FBXL7: variants seen among roughly 807,000 people sequenced by gnomAD.
FBXL7 encodes the protein F-box/LRR-repeat protein 7.
FBXL7 carries 12 observed loss-of-function variants against 38.3 expected under a neutral mutation model. The observed-to-expected ratio is 0.31, with a 90% CI of 0.20 to 0.51. The LOEUF is 0.51. Ranked by LOEUF, FBXL7 falls within the 20% of genes least tolerant of loss-of-function variation. The pLI, the probability that FBXL7 is intolerant of heterozygous loss-of-function variation, is 0.98. For synonymous variants in FBXL7, 297 were observed against 300.9 expected, an observed-to-expected ratio of 0.99 and a Z score of 0.13; for missense variants, 567 against 676.4, an observed-to-expected ratio of 0.84 and a Z score of 1.79.
Position 15,576,318 on chromosome 5 carries a change from A to C in FBXL7, c.38-39665A>C, listed in dbSNP as rs143203174. Among the ~76,000 whole-genome samples, 4 of 151,992 alleles carry C rather than the reference A, an allele frequency of 2.6e-5. No homozygotes were observed. In the South Asian group the frequency reaches 8.3e-4, roughly 31 times the overall value. ...TGGCTAATCTCAAACTCCTGACCTCAGGTGATCCACCCGCCTTGGCCTCCC... is the reference window on the plus strand; with the variant it reads ...TGGCTAATCTCAAACTCCTGACCTCCGGTGATCCACCCGCCTTGGCCTCCC... On this transcript the variant is annotated intron_variant, in intron 1 of 3. Transcript: ENST00000504595.
chr5:15,589,334 T>TC (rs1739402665), intron 1 of FBXL7, among the ~76,000 whole-genome samples: 1 of 152,058 alleles, frequency 6.6e-6, no homozygotes, highest in African/African-American at 2.4e-5. Context: ...GGGGTGGATT[T>TC]CCCCCGGCTT....
rs185348112 is a variant in FBXL7 at position 15,609,888 on chromosome 5, C to T, written c.38-6095C>T. Among the ~76,000 whole-genome samples the T allele has an allele frequency of 4.6e-4, 70 of 152,190 alleles. 1 individual carries two copies. Among genetic ancestry groups the T allele is most frequent in the Admixed American group, 4.3e-3 (65 of 15,282 alleles). On this transcript the variant is annotated intron_variant, in intron 1 of 3. Coordinates refer to ENST00000504595, the MANE Select transcript of FBXL7 (RefSeq NM_012304.5). ...TGCTCTCTGTATTAGTCTGTTTTTG[C>T]GCTGCTGATAAAGACATACGTGAGA...
chr5:15,530,362 A>G (rs536342443), intron 1 of FBXL7, among the ~76,000 whole-genome samples: 225 of 152,270 alleles, frequency 1.5e-3, no homozygotes, highest in African/African-American at 5.2e-3. Context: ...ATAAGACACT[A>G]TTTATTGTTA....
chr5:15,624,055 A>G (rs938523119), intron 2 of FBXL7, among the ~76,000 whole-genome samples: 2 of 152,172 alleles, frequency 1.3e-5, no homozygotes, highest in Non-Finnish European at 2.9e-5. Context: ...GTATATTTTT[A>G]CTGTACTTAG....
chr5:15,640,794 G>A (rs1310962078), intron 2 of FBXL7, among the ~76,000 whole-genome samples: 1 of 152,198 alleles, frequency 6.6e-6, no homozygotes, highest in Non-Finnish European at 1.5e-5. Flanking sequence ...AAAGTGTTGG[G>A]ATTACAGGTG....
In FBXL7 at chr5:15,822,196, CAA is replaced by C. The variant is rs5866161; in HGVS notation, c.128-105679_128-105678del. Among the ~76,000 whole-genome samples the C allele has an allele frequency of 4.1e-3, 523 of 127,972 alleles. 1 individual carries two copies. The highest frequency in any genetic ancestry group is 6.7e-3 in the East Asian group (30 of 4,510). The allele number at this position is 127,972 out of a possible 152,430, so 84.0% of individuals were successfully genotyped here. ...TGAAAGCCCATCTCTACTAAAAATACAAAAAAAAAAAAAAAATAGGCTGGGTT... is the reference window on the plus strand; with the variant it reads ...TGAAAGCCCATCTCTACTAAAAATACAAAAAAAAAAAAAATAGGCTGGGTT... On this transcript the variant is annotated intron_variant, in intron 2 of 3. Coordinates refer to ENST00000504595, the MANE Select transcript of FBXL7 (RefSeq NM_012304.5).
At chr5:15,554,766 A>T (rs921420575) in intron 1 of FBXL7, among the ~76,000 whole-genome samples, 3 of 152,156 alleles carry the variant, frequency 2.0e-5, no homozygotes, top group East Asian at 1.9e-4. Flanking sequence ...TCTAATTGTG[A>T]TCTGAGTGAG....
intron 2 of FBXL7, among the ~76,000 whole-genome samples, chr5:15,926,678 A>G (rs1164244136): frequency 6.6e-6 from 1 of 152,142 alleles, no homozygotes; most frequent in Non-Finnish European, 1.5e-5. Context: ...TCTAGTTCCA[A>G]GGAATAGAAT....
chr5:15,905,064 T>C (rs1390569473), intron 2 of FBXL7, among the ~76,000 whole-genome samples: 1 of 152,198 alleles, frequency 6.6e-6, no homozygotes, highest in Admixed American at 6.5e-5. Flanking sequence ...CCATAGTCAA[T>C]CACTGGATAT....
intron 2 of FBXL7, among the ~76,000 whole-genome samples, chr5:15,744,042 C>G (rs1473046122): frequency 1.3e-5 from 2 of 152,208 alleles, no homozygotes; most frequent in South Asian, 4.1e-4. Flanking sequence ...TTTCTGCCTC[C>G]TAGGCCTCCA....
chr5:15,685,953 A>G (rs1743002748), intron 2 of FBXL7, among the ~76,000 whole-genome samples: 1 of 152,206 alleles, frequency 6.6e-6, no homozygotes, highest in African/African-American at 2.4e-5. Flanking sequence ...AAGGCAGAGC[A>G]GATACACAAA....
In FBXL7 at chr5:15,708,881, A is replaced by AT. The variant is rs200442966; in HGVS notation, c.127+92812dup. Among the ~76,000 whole-genome samples, 963 of 152,292 alleles carry AT rather than the reference A, an allele frequency of 6.3e-3. 6 individuals carry two copies. The highest frequency in any genetic ancestry group is 0.022 in the African/African-American group (913 of 41,568). ...TATTGGAATATTTGAATACAGCTAA[A>AT]TTTGCAGCAGTGAGGTGATGTGCTT... On this transcript the variant is annotated intron_variant, in intron 2 of 3. Coordinates refer to ENST00000504595, the MANE Select transcript of FBXL7 (RefSeq NM_012304.5).
intron 2 of FBXL7, among the ~76,000 whole-genome samples, chr5:15,738,260 A>C: frequency 6.6e-6 from 1 of 152,216 alleles, no homozygotes; most frequent in East Asian, 1.9e-4. Context: ...TAATATGAGA[A>C]GTGCTTATGA....
chr5:15,546,236 T>G (rs1010208864), intron 1 of FBXL7, among the ~76,000 whole-genome samples: 5 of 149,564 alleles, frequency 3.3e-5, no homozygotes, highest in African/African-American at 1.2e-4. Flanking sequence ...TTGAGACCAT[T>G]CTGGCCAACA....
intron 2 of FBXL7, among the ~76,000 whole-genome samples, chr5:15,801,668 T>TGC (rs1737571883): frequency 7.4e-6 from 1 of 135,154 alleles, no homozygotes; most frequent in Non-Finnish European, 1.6e-5. Context: ...CGCGCGCGCG[T>TGC]GTGTGTGTGT....
chr5:15,709,875 A>G lies in FBXL7; in HGVS notation c.127+93803A>G, dbSNP rs1053933466. Among the ~76,000 whole-genome samples, 6 of 152,172 alleles carry G rather than the reference A, an allele frequency of 3.9e-5. 1 individual carries two copies. Among genetic ancestry groups the G allele is most frequent in the Admixed American group, 1.3e-4 (2 of 15,266 alleles). On this transcript the variant is annotated intron_variant, in intron 2 of 3. Transcript: ENST00000504595. ...ATAGTGGAAAAGTTGGGAAGGTAAA[A>G]GGGGCCTAATTCCCTGGAGCCCTTT...
chr5:15,676,592 G>A (rs935436266), intron 2 of FBXL7, among the ~76,000 whole-genome samples: 3 of 152,162 alleles, frequency 2.0e-5, no homozygotes, highest in African/African-American at 4.8e-5. Context: ...GAGACAGAAA[G>A]GATTCCCACC....
intron 2 of FBXL7, among the ~76,000 whole-genome samples, chr5:15,644,026 A>C (rs772141418): frequency 2.0e-5 from 3 of 152,226 alleles, no homozygotes; most frequent in Admixed American, 6.5e-5. Flanking sequence ...CTGTCAGGCC[A>C]TAATAGCTAG....
intron 1 of FBXL7, among the ~76,000 whole-genome samples, chr5:15,609,554 C>T (rs1740153067): frequency 6.6e-6 from 1 of 152,174 alleles, no homozygotes. Context: ...CTGACTGTGC[C>T]TCCCAGTTGC....
Sources: allele counts gnomAD v4.1 joint callset (sites outside exome capture counted in the v4.1 genomes callset), GRCh38; gene constraint gnomAD v4.1.1; transcripts MANE v1.5; gene names NCBI Gene and HGNC (gene_info 2026-07-23, HGNC 2026-07-21).